The following CD160 variants were observed in gnomAD, a reference collection of about 807,000 sequenced individuals.
CD160 encodes the protein CD160 molecule.
CD160 carries 11 observed loss-of-function variants against 19.2 expected under a neutral mutation model. The observed-to-expected ratio is 0.57, with a 90% CI of 0.36 to 0.95. CD160 has a LOEUF of 0.95. Among genes scored for constraint, CD160 ranks in the 40% least tolerant of loss-of-function variants. CD160 has a pLI of 0.01. For missense variants in CD160, 182 were observed against 213.2 expected (o/e 0.85, Z 0.91); for synonymous variants, 75 against 81.1 (o/e 0.93, Z 0.40).
chr1:145,723,451 T>C (rs1224302110), intron 1 of CD160, among the ~76,000 whole-genome samples: 1 of 152,216 alleles, frequency 6.6e-6, no homozygotes, highest in Non-Finnish European at 1.5e-5. Flanking sequence ...ATAAGTACCT[T>C]ATTAAATTGT....
chr1:145,731,782 T>C (rs1553709381), intron 4 of CD160, among the ~76,000 whole-genome samples: 1 of 152,120 alleles, frequency 6.6e-6, no homozygotes, highest in Non-Finnish European at 1.5e-5. Flanking sequence ...ACAACGAGAT[T>C]AGGTTTGAGA....
chr1:145,732,226 T>G (rs1657324685), intron 4 of CD160, among the ~76,000 whole-genome samples: 1 of 151,784 alleles, frequency 6.6e-6, no homozygotes, highest in Non-Finnish European at 1.5e-5. Context: ...ATAAACCAAA[T>G]GTAAGGAAAG....
At position 145,731,007 on chromosome 1, in the gene CD160, T is replaced by TGTGCCAG; in HGVS notation, c.338_344dup (p.Ser116CysfsTer37). The TGTGCCAG allele has an allele frequency of 6.2e-7, 1 of 1,614,184 alleles. No homozygotes were observed. Among genetic ancestry groups the TGTGCCAG allele is most frequent in the Non-Finnish European group, 8.5e-7 (1 of 1,180,034 alleles). Reference sequence around the variant, plus strand: ...GTTGCACAGTGGGACCTACCAGTGTTGTGCCAGAAGCCAGAAGTCAGGTAT... The same window carrying TGTGCCAG: ...GTTGCACAGTGGGACCTACCAGTGTTGTGCCAGGTGCCAGAAGCCAGAAGTCAGGTAT... On this transcript the variant is annotated frameshift_variant, in exon 4 of 6. Transcript: ENST00000369288. LOFTEE classifies it high-confidence loss of function.
intron 3 of CD160, among the ~76,000 whole-genome samples, chr1:145,729,759 G>T (rs1445780119): frequency 6.6e-6 from 1 of 152,168 alleles, no homozygotes; most frequent in East Asian, 1.9e-4. Flanking sequence ...GATATCAATG[G>T]TCCCTCAATA....
At chr1:145,734,963 C>A (rs898883999) in intron 4 of CD160, among the ~76,000 whole-genome samples, 1 of 151,774 alleles carries the variant, frequency 6.6e-6, no homozygotes, top group African/African-American at 2.4e-5. Flanking sequence ...AAAAAATAGC[C>A]GAGTGTGGTA....
chr1:145,731,287 A>G (rs1657283234), intron 4 of CD160, among the ~76,000 whole-genome samples: 1 of 152,162 alleles, frequency 6.6e-6, no homozygotes, highest in South Asian at 2.1e-4. Context: ...TGGGGTGGCC[A>G]TTGCATTTTT....
At chr1:145,731,592 C>A (rs1398816826) in intron 4 of CD160, among the ~76,000 whole-genome samples, 1 of 152,144 alleles carries the variant, frequency 6.6e-6, no homozygotes, top group East Asian at 1.9e-4. Flanking sequence ...ATCGCTTGAA[C>A]CTGGGAGGCG....
At chr1:145,727,667 AT>A (rs776739093) in intron 2 of CD160, among the ~76,000 whole-genome samples, 2 of 152,246 alleles carry the variant, frequency 1.3e-5, no homozygotes, top group African/African-American at 2.4e-5. Context: ...AAAATGGCAG[AT>A]GGGTTAATAT....
intron 3 of CD160, 69 bp downstream of exon 3, chr1:145,728,469 C>G: frequency 2.1e-6 from 2 of 943,872 alleles, no homozygotes; most frequent in Non-Finnish European, 3.4e-6. Flanking sequence ...GGCTGGATCC[C>G]GTGATTTTCT....
intron 5 of CD160, 85 bp downstream of exon 5, chr1:145,736,219 G>A: frequency 6.3e-7 from 1 of 1,598,060 alleles, no homozygotes; most frequent in South Asian, 1.1e-5. Flanking sequence ...AGGAGGAGAA[G>A]GTTGGAAAGG....
chr1:145,738,390 C>A, intron 5 of CD160, 96 bp from the exon 6 acceptor site: 1 of 714,512 alleles, frequency 1.4e-6, no homozygotes. Flanking sequence ...GAGGGCCTAT[C>A]ACGCACGCAT....
At chr1:145,721,546 A>G (rs1000009020) in intron 1 of CD160, among the ~76,000 whole-genome samples, 3 of 152,148 alleles carry the variant, frequency 2.0e-5, no homozygotes, top group Admixed American at 1.3e-4. Context: ...ACTCCAGCGG[A>G]GTGACCAGCT....
At chr1:145,736,277 G>A in intron 5 of CD160, 143 bp downstream of exon 5, 1 of 1,555,514 alleles carries the variant, frequency 6.4e-7, no homozygotes, top group Middle Eastern at 1.8e-4. Flanking sequence ...GCTATCCACA[G>A]GAAAGTTCAA....
At chr1:145,728,807 G>GTCTTTT (rs781843067) in intron 3 of CD160, among the ~76,000 whole-genome samples, 10 of 152,092 alleles carry the variant, frequency 6.6e-5, no homozygotes, top group Non-Finnish European at 1.3e-4. Context: ...AGAATATATT[G>GTCTTTT]TCTTTTTCTT....
rs1199673547 is a variant in CD160 at position 145,736,368 on chromosome 1, A to G, written c.538+234A>G. The G allele has an allele frequency of 9.9e-6, 12 of 1,218,062 alleles. No homozygotes were observed. The African/African-American group carries it at 1.1e-4, about 11-fold the overall frequency. 75.5% of individuals were successfully genotyped at this position (1,218,062 alleles called of 1,614,324 possible). A position where few individuals can be genotyped will look rare whatever the true frequency, so the allele number is the denominator to read the frequency against. On this transcript the variant is annotated intron_variant, in intron 5 of 5. Coordinates refer to ENST00000369288, the MANE Select transcript of CD160 (RefSeq NM_007053.4). The stretch of plus-strand genomic sequence containing the variant: ...CAATGGGTAGGAGGTAAGACTCATT[A>G]GGAATGAAGGCCTGTGAGAGAGGCA...
intron 3 of CD160, among the ~76,000 whole-genome samples, chr1:145,729,869 T>C (rs1657216576): frequency 1.3e-5 from 2 of 152,244 alleles, no homozygotes; most frequent in Admixed American, 6.5e-5. Flanking sequence ...CTATATTTCT[T>C]AGAAAAACTT....
At chr1:145,730,311 C>A (rs1256459050) in intron 3 of CD160, among the ~76,000 whole-genome samples, 4 of 151,970 alleles carry the variant, frequency 2.6e-5, no homozygotes, top group Non-Finnish European at 1.5e-5. Flanking sequence ...CACAGCAAGA[C>A]CTTGTTTTAA....
At chr1:145,720,198 A>G (rs1166629653) in intron 1 of CD160, among the ~76,000 whole-genome samples, 1 of 152,222 alleles carries the variant, frequency 6.6e-6, no homozygotes, top group African/African-American at 2.4e-5. Flanking sequence ...GAATTACAAC[A>G]GTTATTAGGC....
intron 4 of CD160, 47 bp from the exon 5 acceptor site, chr1:145,735,947 CTGA>C (rs1657467151): frequency 1.6e-6 from 2 of 1,279,842 alleles, no homozygotes; most frequent in Non-Finnish European, 1.1e-6. Context: ...AAAGGAGATA[CTGA>C]TGATTTCTGA....
Sources: allele counts gnomAD v4.1 joint callset (sites outside exome capture counted in the v4.1 genomes callset), GRCh38; gene constraint gnomAD v4.1.1; transcripts MANE v1.5; gene names NCBI Gene and HGNC (gene_info 2026-07-23, HGNC 2026-07-21).